Variants in TBX5 observed in about 807,000 individuals in gnomAD.
TBX5 encodes the protein T-box transcription factor TBX5.
In TBX5, 8 loss-of-function variants were observed where a neutral mutation model predicts 51.1. The observed-to-expected ratio is 0.16, with a 90% confidence interval of 0.09 to 0.28. The LOEUF is 0.28. TBX5 is among the 10% of genes least tolerant of loss of function. The pLI, the probability that TBX5 is intolerant of heterozygous loss-of-function variation, is 1.00. For synonymous variants in TBX5, 302 were observed against 266.4 expected, an observed-to-expected ratio of 1.13 and a Z score of -1.30; for missense variants, 589 against 671.7, an observed-to-expected ratio of 0.88 and a Z score of 1.36.
upstream of TBX5, chr12:114,407,189 C>A (rs151313488): frequency 1.5e-5 from 13 of 854,776 alleles, no homozygotes; most frequent in East Asian, 1.2e-3. Flanking sequence ...GAATCTCCAA[C>A]CCTGAATGTG....
intron 7 of TBX5, among the ~76,000 whole-genome samples, chr12:114,369,304 T>C (rs1265710476): frequency 6.6e-6 from 1 of 152,244 alleles, no homozygotes; most frequent in African/African-American, 2.4e-5. Flanking sequence ...AATTGCTCTC[T>C]GGAAAGGCCA....
Position 114,381,292 on chromosome 12 carries a change from C to T in TBX5, c.755+4184G>A, listed in dbSNP as rs1441487894. ...GTTGGAATTAGAGGATATTTCATCC[C>T]TCCTGCTTTTCTCCCATAGCCAGCT... is the stretch of plus-strand genomic sequence containing the variant. On this transcript the variant is annotated intron_variant, in intron 7 of 8. Coordinates refer to ENST00000405440, the MANE Select transcript of TBX5 (RefSeq NM_181486.4). 2.6e-5 allele frequency among the ~76,000 whole-genome samples: 4 copies of T among 152,236 alleles called. No individual in the cohort carries two copies. The East Asian group carries it at 5.8e-4, about 22-fold the overall frequency.
intron 8 of TBX5, among the ~76,000 whole-genome samples, chr12:114,357,277 C>T (rs964275595): frequency 6.6e-6 from 1 of 152,072 alleles, no homozygotes; most frequent in African/African-American, 2.4e-5. Context: ...GGCCACTGGC[C>T]CCTTTGAAAA....
intron 8 of TBX5, among the ~76,000 whole-genome samples, chr12:114,365,544 A>C (rs1357398779): frequency 6.6e-6 from 1 of 152,178 alleles, no homozygotes; most frequent in Non-Finnish European, 1.5e-5. Context: ...TTTTTAAAAA[A>C]AATTTTGGGT....
At chr12:114,395,549 G>A (rs1871369290) in intron 5 of TBX5, among the ~76,000 whole-genome samples, 1 of 152,072 alleles carries the variant, frequency 6.6e-6, no homozygotes, top group South Asian at 2.1e-4. Context: ...CTCCAAGGAT[G>A]TCGGCTCATA....
rs781228895 is a variant in TBX5, at chr12:114,394,724, C to T, written c.663+17G>A. The stretch of plus-strand genomic sequence containing the variant: ...AGCAGACGGCCCCAGGCACTGGTTC[C>T]TGGGCTTCAGGCTTACCTTGTGGTT... On this transcript the variant is annotated intron_variant, in intron 6 of 8. Transcript: ENST00000405440. The T allele has an allele frequency of 6.2e-7, 1 of 1,613,972 alleles. No homozygotes were observed. The highest frequency in any genetic ancestry group is 8.5e-7 in the Non-Finnish European group (1 of 1,179,960).
chr12:114,356,196 A>G, intron 8 of TBX5, 90 bp from the exon 9 acceptor site: 1 of 1,265,052 alleles, frequency 7.9e-7, no homozygotes, highest in Non-Finnish European at 1.1e-6. Flanking sequence ...GTACTGAAGA[A>G]TAAGTCCTGA....
Position 114,368,497 on chromosome 12 carries a change from TTGA to T in TBX5, c.756-2109_756-2107del, listed in dbSNP as rs554129313. Among the ~76,000 whole-genome samples the T allele has an allele frequency of 3.3e-5, 5 of 152,350 alleles. No individual in the cohort carries two copies. The South Asian group carries it at 1.0e-3, about 32-fold the overall frequency. On this transcript the variant is annotated intron_variant, in intron 7 of 8. Transcript: ENST00000405440. ...TGACTCTATGTGATAGGTATTATCTTTGATCCCATTTTACAGATGAGGAAGTTG... is the reference window on the plus strand; with the variant it reads ...TGACTCTATGTGATAGGTATTATCTTTCCCATTTTACAGATGAGGAAGTTG...
In TBX5 at chr12:114,401,833, C is replaced by T; in HGVS notation, c.235G>A (p.Ala79Thr). Residue 79 changes from alanine to threonine, a missense_variant, in exon 3 of 9, where the codon GCT becomes ACT. Around this residue, in one of 7 missense-constraint regions of TBX5, gnomAD observed 13 missense variants for 32.0 expected, o/e 0.41. Transcript: ENST00000405440. Reference sequence around the variant, plus strand: ...CACAACAAACCATCTCACCTTCCAGCCTTGGTTATGATCATTTCCGTGCCC... The same window carrying T: ...CACAACAAACCATCTCACCTTCCAGTCTTGGTTATGATCATTTCCGTGCCC... ...EVGTEMIITK[A>T]GRRMFPSYKV... 1 of 1,614,152 alleles carries T rather than the reference C, an allele frequency of 6.2e-7. No homozygotes were observed. Among genetic ancestry groups the T allele is most frequent in the Non-Finnish European group, 8.5e-7 (1 of 1,179,994 alleles).
At chr12:114,390,075 A>G (rs1436760200) in intron 6 of TBX5, among the ~76,000 whole-genome samples, 3 of 152,184 alleles carry the variant, frequency 2.0e-5, no homozygotes, top group African/African-American at 7.2e-5. Context: ...TGCACTTACC[A>G]TCATAGCTTG....
chr12:114,358,074 A>T (rs879588967), intron 8 of TBX5, among the ~76,000 whole-genome samples: 5 of 152,250 alleles, frequency 3.3e-5, no homozygotes, highest in Admixed American at 2.6e-4. Context: ...GACTTGCCCA[A>T]GGTCACATGG....
chr12:114,355,861 A>T lies in TBX5; in HGVS notation c.1228T>A (p.Cys410Ser). The T allele has an allele frequency of 6.2e-7, 1 of 1,613,828 alleles. No individual in the cohort carries two copies. Among genetic ancestry groups the T allele is most frequent in the African/African-American group, 1.3e-5 (1 of 75,056 alleles). Reference sequence around the variant, plus strand: ...ATGGGCTGCACGGTGGTGACGGTGCAGCTGCTGTAGGAAGGCATGCTTGGC... The same window carrying T: ...ATGGGCTGCACGGTGGTGACGGTGCTGCTGCTGTAGGAAGGCATGCTTGGC... The part of the protein sequence containing the change: ...TWPSMPSYSS[C>S]TVTTVQPMDR... The change falls in exon 9 of 9, where the codon TGC (cysteine) becomes AGC (serine). Residue 410 changes from cysteine to serine, a missense_variant. Physicochemically the swap from Cys to Ser is moderately radical, Grantham distance 112 (BLOSUM62 -1). Transcript: ENST00000405440.
intron 7 of TBX5, among the ~76,000 whole-genome samples, chr12:114,378,010 C>A (rs1021868848): frequency 6.6e-6 from 1 of 152,018 alleles, no homozygotes; most frequent in Admixed American, 6.6e-5. Context: ...TGGCTCAGAT[C>A]CCAGTCACCA....
chr12:114,405,127 G>A (rs1872123189), intron 1 of TBX5, among the ~76,000 whole-genome samples: 1 of 152,212 alleles, frequency 6.6e-6, no homozygotes. Context: ...CAAGCGGCCA[G>A]ATCCCACCCT....
At chr12:114,403,627 C>A (rs1433614925) in intron 2 of TBX5, 125 bp downstream of exon 2, 3 of 1,390,762 alleles carry the variant, frequency 2.2e-6, no homozygotes, top group Non-Finnish European at 2.9e-6. Context: ...TGATTATAGT[C>A]GTTGGGTTCG....
rs1187747905 is a variant in TBX5, at chr12:114,355,924, G to A, written c.1165C>T (p.Pro389Ser). Residue 389 changes from proline (P) to serine (S), a missense_variant, in exon 9 of 9, where the codon CCT (proline) becomes TCT (serine). By Grantham distance (74) the Pro-to-Ser change is moderately conservative. Coordinates refer to ENST00000405440, the MANE Select transcript of TBX5 (RefSeq NM_181486.4). ...MYASSAPPSEPVPSLEDISCN... is the reference protein window; with the variant it reads ...MYASSAPPSESVPSLEDISCN... Reference sequence around the variant, plus strand: ...CTGATGTCCTCTAGGCTGGGCACAGGCTCGCTGGGGGGCGCAGAGCTGGCA... The same window carrying A: ...CTGATGTCCTCTAGGCTGGGCACAGACTCGCTGGGGGGCGCAGAGCTGGCA... The A allele has an allele frequency of 1.9e-6, 3 of 1,613,762 alleles. No homozygotes were observed. The highest frequency in any genetic ancestry group is 2.7e-5 in the African/African-American group (2 of 75,070).
Position 114,356,087 on chromosome 12 carries a change from T to C in TBX5, c.1002A>G (p.Thr334=). Residue 334 remains threonine (T), a synonymous_variant, in exon 9 of 9, where the codon ACA becomes ACG. Transcript: ENST00000405440. ...TKRKEEECST[T]DHPYKKPYME... ...TGTAGGGCTTCTTATAGGGATGGTC[T>C]GTGGTGGAACATTCTTCCTCTGTGA... The C allele has an allele frequency of 6.2e-7, 1 of 1,612,386 alleles. No homozygotes were observed. Among genetic ancestry groups the C allele is most frequent in the Non-Finnish European group, 8.5e-7 (1 of 1,180,022 alleles).
chr12:114,402,507 T>C (rs1268313506), intron 2 of TBX5, among the ~76,000 whole-genome samples: 1 of 152,182 alleles, frequency 6.6e-6, no homozygotes, highest in Admixed American at 6.5e-5. Context: ...TTTTGAAACC[T>C]AAAAATGTTT....
At position 114,354,657 on chromosome 12, in the gene TBX5, T is replaced by G. The variant is rs886048987; in HGVS notation, c.*875A>C. 4.6e-5 allele frequency: 7 copies of G among 152,670 alleles called. No individual in the cohort carries two copies. Among genetic ancestry groups the G allele is most frequent in the Admixed American group, 2.0e-4 (3 of 15,288 alleles). The allele number at this position is 152,670 out of a possible 1,614,324, so 9.5% of individuals were successfully genotyped here. A position where few individuals can be genotyped will look rare whatever the true frequency, so the allele number is the denominator to read the frequency against. ...ACTCTTGTCAACACAGAGCTTGCAC[T>G]GTTATCACAGTCCTGCCTACATGTA... is the stretch of plus-strand genomic sequence containing the variant. On this transcript the variant is annotated 3_prime_UTR_variant, in exon 9 of 9. Transcript: ENST00000405440.
Sources: gnomAD v4.1 joint callset for allele counts (sites outside exome capture counted in the v4.1 genomes callset) on GRCh38, gnomAD v4.1.1 for gene constraint, gnomAD v4.1.1 regional missense constraint, MANE v1.5 for transcripts, NCBI Gene and HGNC (gene_info 2026-07-23, HGNC 2026-07-21) for gene names.